Variants in DCLK1 observed in about 807,000 individuals in gnomAD.
The protein encoded by DCLK1 is serine/threonine-protein kinase DCLK1.
A neutral mutation model predicts 86.2 loss-of-function variants in DCLK1; 16 were observed. That is an observed-to-expected ratio of 0.19 (90% CI 0.13 to 0.28). The LOEUF (loss-of-function observed/expected upper bound fraction) is 0.28, where lower values mean the gene tolerates loss of function less well. Among genes scored for constraint, DCLK1 ranks in the 10% least tolerant of loss-of-function variants. The pLI is 1.00. For missense variants in DCLK1, 590 were observed against 940.2 expected, an observed-to-expected ratio of 0.63 and a Z score of 4.87; for synonymous variants, 369 against 370.5, an observed-to-expected ratio of 1.00 and a Z score of 0.05.
chr13:35,841,071 G>C (rs536316780), intron 6 of DCLK1, among the ~76,000 whole-genome samples: 3 of 152,166 alleles, frequency 2.0e-5, no homozygotes, highest in Non-Finnish European at 4.4e-5. Context: ...TTCTCTTCTG[G>C]GCTTTCTGGA....
intron 3 of DCLK1, among the ~76,000 whole-genome samples, chr13:35,988,826 G>A (rs1880066925): frequency 6.6e-6 from 1 of 152,160 alleles, no homozygotes; most frequent in African/African-American, 2.4e-5. Flanking sequence ...TTAACCCACA[G>A]CTCATTCATT....
chr13:35,794,950 G>C (rs1273483133), intron 15 of DCLK1, among the ~76,000 whole-genome samples: 1 of 152,178 alleles, frequency 6.6e-6, no homozygotes, highest in Non-Finnish European at 1.5e-5. Context: ...GTGGGAGGAA[G>C]ATGTGATCTC....
chr13:35,816,730 C>T (rs2087275499), intron 11 of DCLK1, among the ~76,000 whole-genome samples: 1 of 152,220 alleles, frequency 6.6e-6, no homozygotes, highest in South Asian at 2.1e-4. Flanking sequence ...TGTCCTGCCA[C>T]TACTGGTGGT....
chr13:36,083,081 G>A (rs1884475664), intron 3 of DCLK1, among the ~76,000 whole-genome samples: 1 of 149,996 alleles, frequency 6.7e-6, no homozygotes. Context: ...TGTACCCACC[G>A]ATTCCAAACT....
chr13:35,961,260 T>A (rs1878443559), intron 3 of DCLK1, among the ~76,000 whole-genome samples: 1 of 152,178 alleles, frequency 6.6e-6, no homozygotes, highest in African/African-American at 2.4e-5. Context: ...CCAATGCAAG[T>A]GTTCAGAGAA....
chr13:35,966,508 C>G (rs1461266051), intron 3 of DCLK1, among the ~76,000 whole-genome samples: 1 of 133,330 alleles, frequency 7.5e-6, no homozygotes, highest in Non-Finnish European at 1.6e-5. Flanking sequence ...CCCCCTCCCC[C>G]TCCCCCTCTC....
chr13:36,045,772 G>A (rs775916877), intron 3 of DCLK1, among the ~76,000 whole-genome samples: 2 of 151,774 alleles, frequency 1.3e-5, no homozygotes, highest in African/African-American at 2.4e-5. Flanking sequence ...GGGATTGCTT[G>A]AACCTGGGAG....
intron 3 of DCLK1, among the ~76,000 whole-genome samples, chr13:36,039,626 G>GCA (rs1593839301): frequency 6.6e-6 from 1 of 151,644 alleles, no homozygotes; most frequent in East Asian, 1.9e-4. Context: ...GGGTTACTGT[G>GCA]CACACATGTA....
intron 3 of DCLK1, among the ~76,000 whole-genome samples, chr13:35,957,538 G>C: frequency 6.6e-6 from 1 of 152,084 alleles, no homozygotes; most frequent in East Asian, 1.9e-4. Context: ...TTATTAAAAA[G>C]TTTTGCAAGA....
chr13:35,774,751 AAAAC>A, intron 16 of DCLK1, 52 bp from the exon 17 acceptor site: 1 of 1,565,808 alleles, frequency 6.4e-7, no homozygotes, highest in Non-Finnish European at 8.7e-7. Flanking sequence ...GGGAAATGGC[AAAAC>A]AAACTCTTTC....
At chr13:35,842,589 A>G (rs1869889999) in intron 6 of DCLK1, among the ~76,000 whole-genome samples, 1 of 152,142 alleles carries the variant, frequency 6.6e-6, no homozygotes, top group African/African-American at 2.4e-5. Context: ...AGAGAAGGAT[A>G]GGGTTTTCTT....
chr13:35,907,943 T>A (rs1197739268), intron 4 of DCLK1, among the ~76,000 whole-genome samples: 1 of 152,060 alleles, frequency 6.6e-6, no homozygotes, highest in East Asian at 1.9e-4. Context: ...AAATTATCTT[T>A]AAGTTTAAAA....
rs376407168 is a variant in DCLK1, at chr13:35,939,753, C to T, written c.823+7605G>A. Among the ~76,000 whole-genome samples, 93 of 152,214 alleles carry T rather than the reference C, an allele frequency of 6.1e-4. 1 individual carries two copies. The South Asian group carries it at 0.013, about 22-fold the overall frequency. ...TTCCTAGAATTAACATCTATTGAAA[C>T]GATAAAATATGCCAGCACCAACACA... On this transcript the variant is annotated intron_variant, in intron 4 of 16. Coordinates refer to ENST00000360631, the MANE Select transcript of DCLK1 (RefSeq NM_001330071.2).
intron 4 of DCLK1, among the ~76,000 whole-genome samples, chr13:35,875,060 G>A (rs1872517818): frequency 6.6e-6 from 1 of 152,216 alleles, no homozygotes; most frequent in Admixed American, 6.5e-5. Context: ...TCTGGTAATG[G>A]TGCATAGAGT....
At chr13:35,881,327 T>A (rs1433920270) in intron 4 of DCLK1, among the ~76,000 whole-genome samples, 1 of 152,180 alleles carries the variant, frequency 6.6e-6, no homozygotes, top group Non-Finnish European at 1.5e-5. Flanking sequence ...AAGGGTGAAA[T>A]GTGCGCCTCT....
At chr13:36,045,332 GTATATATATATA>G (rs1174545505) in intron 3 of DCLK1, among the ~76,000 whole-genome samples, 68 of 55,766 alleles carry the variant, frequency 1.2e-3, no homozygotes, top group African/African-American at 2.1e-3. Flanking sequence ...GTGTGTGTGT[GTATATATATATA>G]TATATATATA....
chr13:35,796,602 C>T (rs2086816505), intron 15 of DCLK1, among the ~76,000 whole-genome samples: 1 of 152,108 alleles, frequency 6.6e-6, no homozygotes. Context: ...AACTTCAGTC[C>T]ATTTATTAGT....
At chr13:35,800,711 C>T (rs1026199305) in intron 15 of DCLK1, among the ~76,000 whole-genome samples, 5 of 151,738 alleles carry the variant, frequency 3.3e-5, no homozygotes, top group Non-Finnish European at 2.9e-5. Flanking sequence ...CTTTTTCTTT[C>T]TTTCTTTTTG....
At chr13:35,956,646 G>A (rs1877994688) in intron 3 of DCLK1, among the ~76,000 whole-genome samples, 1 of 152,306 alleles carries the variant, frequency 6.6e-6, no homozygotes, top group South Asian at 2.1e-4. Flanking sequence ...GGTGTTCATA[G>A]CAGGAGTCAT....
Sources: gnomAD v4.1 joint callset for allele counts (sites outside exome capture counted in the v4.1 genomes callset) on GRCh38, gnomAD v4.1.1 for gene constraint, MANE v1.5 for transcripts, NCBI Gene and HGNC (gene_info 2026-07-23, HGNC 2026-07-21) for gene names.